OOSP2: variants seen among roughly 807,000 people sequenced by gnomAD.
OOSP2 encodes the protein oocyte-secreted protein 2.
A neutral mutation model predicts 13.4 loss-of-function variants in OOSP2; 7 were observed. The observed-to-expected ratio is 0.52, with a 90% CI of 0.30 to 0.98. The LOEUF (loss-of-function observed/expected upper bound fraction) is 0.98. OOSP2 is among the 50% of genes least tolerant of loss of function. OOSP2 has a pLI of 0.07. For synonymous variants in OOSP2, 75 were observed against 67.2 expected (o/e 1.12, Z -0.57); for missense variants, 184 against 188.5 (o/e 0.98, Z 0.14).
Position 60,042,883 on chromosome 11 carries a change from C to T in OOSP2, c.65-586C>T, listed in dbSNP as rs76227064. Among the ~76,000 whole-genome samples, 638 of 151,976 alleles carry T rather than the reference C, an allele frequency of 4.2e-3. 2 individuals are homozygous for T. Among genetic ancestry groups the T allele is most frequent in the African/African-American group, 0.015 (616 of 41,460 alleles). On this transcript the variant is annotated intron_variant, in intron 1 of 3. Transcript: ENST00000278855. ...ATTTAGGAAATATTAAGGGGCTATACGGTTATGGTTTTTCATTTTCTTTCT... is the reference window on the plus strand; with the variant it reads ...ATTTAGGAAATATTAAGGGGCTATATGGTTATGGTTTTTCATTTTCTTTCT...
In OOSP2 at chr11:60,042,973, T is replaced by C. The variant is rs150614965; in HGVS notation, c.65-496T>C. ...AGGCTGGAGTGCAGTGGCGCGATCT[T>C]GGTTCACTGCAAGCCCCGCCTCCTG... On this transcript the variant is annotated intron_variant, in intron 1 of 3. Transcript: ENST00000278855. Among the ~76,000 whole-genome samples, 1,505 of 152,112 alleles carry C rather than the reference T, an allele frequency of 9.9e-3. 31 individuals are homozygous for C. Among genetic ancestry groups the C allele is most frequent in the African/African-American group, 0.033 (1,373 of 41,462 alleles).
chr11:60,046,699 C>T lies in OOSP2; in HGVS notation c.348-245C>T, dbSNP rs566388571. 2.8e-3 allele frequency: 1,701 copies of T among 607,490 alleles called. 7 individuals carry two copies. The highest frequency in any genetic ancestry group is 4.9e-3 in the Middle Eastern group (19 of 3,906). The allele number at this position is 607,490 out of a possible 1,614,324, so 37.6% of individuals were successfully genotyped here. Reference sequence around the variant, plus strand: ...GCATCACAAATTATCTAAGACCATTCGTCTTTCTACTCAGTGTTTGATGCA... The same window carrying T: ...GCATCACAAATTATCTAAGACCATTTGTCTTTCTACTCAGTGTTTGATGCA... On this transcript the variant is annotated intron_variant, in intron 3 of 3. Transcript: ENST00000278855.
Position 60,042,622 on chromosome 11 carries a change from A to C in OOSP2, c.65-847A>C, listed in dbSNP as rs187154450. Reference sequence around the variant, plus strand: ...GAGGATAAAGATGGGTTTTACAACAAAACGTGCATGGAGCTAACATCCCAA... The same window carrying C: ...GAGGATAAAGATGGGTTTTACAACACAACGTGCATGGAGCTAACATCCCAA... On this transcript the variant is annotated intron_variant, in intron 1 of 3. Transcript: ENST00000278855. Among the ~76,000 whole-genome samples, 169 of 152,352 alleles carry C rather than the reference A, an allele frequency of 1.1e-3. 1 individual carries two copies. The highest frequency in any genetic ancestry group is 3.7e-3 in the African/African-American group (152 of 41,594).
At chr11:60,042,765 AG>A (rs908909872) in intron 1 of OOSP2, among the ~76,000 whole-genome samples, 38 of 152,052 alleles carry the variant, frequency 2.5e-4, no homozygotes, top group African/African-American at 9.2e-4. Context: ...TCTTTCCAAA[AG>A]TATACTGGGA....
intron 1 of OOSP2, among the ~76,000 whole-genome samples, chr11:60,042,954 G>A (rs1053835037): frequency 6.6e-6 from 1 of 151,288 alleles, no homozygotes; most frequent in Admixed American, 6.6e-5. Context: ...ACCCAGGCTG[G>A]AGTGCAGTGG....
At chr11:60,046,676 A>G (rs1356792088) in intron 3 of OOSP2, 1 of 557,770 alleles carries the variant, frequency 1.8e-6, no homozygotes, top group Non-Finnish European at 3.4e-6. Context: ...TAATGCAAGC[A>G]TCACAAATTA....
At position 60,044,868 on chromosome 11, in the gene OOSP2, C is replaced by T. The variant is rs1300181484; in HGVS notation, c.347+94C>T. ...GAAGCATAGACTTTAGAGAATATAA[C>T]ATGATTCACCCATAAGTATAATTGT... is the stretch of plus-strand genomic sequence containing the variant. On this transcript the variant is annotated intron_variant, in intron 3 of 3. Coordinates refer to ENST00000278855, the MANE Select transcript of OOSP2 (RefSeq NM_173801.5). 9.1e-6 allele frequency: 5 copies of T among 552,184 alleles called. No homozygotes were observed. In the East Asian group the frequency reaches 1.4e-4, roughly 16 times the overall value. The allele number at this position is 552,184 out of a possible 1,614,324, so 34.2% of individuals were successfully genotyped here.
intron 3 of OOSP2, among the ~76,000 whole-genome samples, chr11:60,046,251 C>T (rs896326418): frequency 1.3e-5 from 2 of 152,036 alleles, no homozygotes; most frequent in African/African-American, 4.8e-5. Flanking sequence ...ATCTCCATCT[C>T]TTTGTCTCTG....
At chr11:60,042,052 G>C (rs887959005) in intron 1 of OOSP2, among the ~76,000 whole-genome samples, 1 of 152,006 alleles carries the variant, frequency 6.6e-6, no homozygotes, top group East Asian at 1.9e-4. Flanking sequence ...CTGGGAGGCG[G>C]AGCTTGCAGT....
Position 60,046,967 on chromosome 11 carries a change from T to G in OOSP2, c.371T>G (p.Val124Gly), listed in dbSNP as rs2134642835. ...AGGAAATCAGTGTGGCTTACACCAG[T>G]TTCTACTGAGAATGAAATAAAATTG... is the stretch of plus-strand genomic sequence containing the variant. ...TSRKSVWLTP[V>G]STENEIKLDP... Residue 124 changes from valine to glycine, a missense_variant, in exon 4 of 4, where the codon GTT (valine) becomes GGT (glycine). Coordinates refer to ENST00000278855, the MANE Select transcript of OOSP2 (RefSeq NM_173801.5). 1 of 1,610,608 alleles carries G rather than the reference T, an allele frequency of 6.2e-7. No homozygotes were observed. The highest frequency in any genetic ancestry group is 2.2e-5 in the East Asian group (1 of 44,850).
rs1854918172 is a variant in OOSP2, at chr11:60,040,658, G to A, written c.64+135G>A. ...AGAAGAAGAAGCGCTTTCAGGCCAAGTAGACTTGTGTCAATATACGGAGGA... is the reference window on the plus strand; with the variant it reads ...AGAAGAAGAAGCGCTTTCAGGCCAAATAGACTTGTGTCAATATACGGAGGA... On this transcript the variant is annotated intron_variant, in intron 1 of 3. Coordinates refer to ENST00000278855, the MANE Select transcript of OOSP2 (RefSeq NM_173801.5). The A allele has an allele frequency of 3.9e-5, 24 of 618,902 alleles. No homozygotes were observed. The South Asian group carries it at 4.5e-4, about 12-fold the overall frequency. The allele number at this position is 618,902 out of a possible 1,614,324, so 38.3% of individuals were successfully genotyped here. A position where few individuals can be genotyped will look rare whatever the true frequency, so the allele number is the denominator to read the frequency against.
rs1854913828 is a variant in OOSP2 at position 60,040,485 on chromosome 11, T to A, written c.26T>A (p.Leu9His). 1 of 1,604,952 alleles carries A rather than the reference T, an allele frequency of 6.2e-7. No individual in the cohort carries two copies. The highest frequency in any genetic ancestry group is 1.1e-5 in the South Asian group (1 of 90,896). Residue 9 changes from leucine (L) to histidine (H), a missense_variant, in exon 1 of 4, where the codon CTC becomes CAC. Leu to His is a moderately conservative substitution (Grantham distance 99). Coordinates refer to ENST00000278855, the MANE Select transcript of OOSP2 (RefSeq NM_173801.5). MALEVLML[L>H]AVLIWTGAEN... The stretch of plus-strand genomic sequence containing the variant: ...ATGGCGTTAGAAGTCTTGATGCTCC[T>A]CGCTGTCTTGATTTGGACCGGTGCT...
Position 60,040,517 on chromosome 11 carries a change from C to T in OOSP2, c.58C>T (p.Leu20Phe), listed in dbSNP as rs1251893510. Residue 20 changes from leucine to phenylalanine, a missense_variant, in exon 1 of 4, where the codon CTC becomes TTC. Leu to Phe is a conservative substitution (Grantham distance 22, BLOSUM62 0). Transcript: ENST00000278855. ...CTTGATTTGGACCGGTGCTGAGAACCTCCATGGTAAATAACAAGTTTTAGA... is the reference window on the plus strand; with the variant it reads ...CTTGATTTGGACCGGTGCTGAGAACTTCCATGGTAAATAACAAGTTTTAGA... ...AVLIWTGAEN[L>F]HVKISCSLDW... 1.9e-6 allele frequency: 3 copies of T among 1,568,250 alleles called. No individual in the cohort carries two copies. The highest frequency in any genetic ancestry group is 2.6e-6 in the Non-Finnish European group (3 of 1,138,188).
chr11:60,047,837 A>G lies in OOSP2; in HGVS notation c.*764A>G, dbSNP rs1336485643. ...TTATACTATCTTCCTTTCTTTAAAC[A>G]TGGAGTCTAAATATGTAATATATCA... On this transcript the variant is annotated 3_prime_UTR_variant, in exon 4 of 4. Transcript: ENST00000278855. The G allele has an allele frequency of 6.6e-6, 1 of 152,126 alleles. No individual in the cohort carries two copies. Among genetic ancestry groups the G allele is most frequent in the Non-Finnish European group, 1.5e-5 (1 of 67,984 alleles). 9.4% of individuals were successfully genotyped at this position (152,126 alleles called of 1,614,324 possible).
rs577307501 is a variant in OOSP2, at chr11:60,042,974, G to T, written c.65-495G>T. The stretch of plus-strand genomic sequence containing the variant: ...GGCTGGAGTGCAGTGGCGCGATCTT[G>T]GTTCACTGCAAGCCCCGCCTCCTGG... On this transcript the variant is annotated intron_variant, in intron 1 of 3. Coordinates refer to ENST00000278855, the MANE Select transcript of OOSP2 (RefSeq NM_173801.5). Among the ~76,000 whole-genome samples, 492 of 151,706 alleles carry T rather than the reference G, an allele frequency of 3.2e-3. 5 individuals are homozygous for T. Among genetic ancestry groups the T allele is most frequent in the African/African-American group, 0.011 (454 of 41,310 alleles).
chr11:60,044,578 G>C lies in OOSP2; in HGVS notation c.244-93G>C, dbSNP rs117758787. 4,807 of 550,748 alleles carry C rather than the reference G, an allele frequency of 8.7e-3. 30 individuals are homozygous for C. Among genetic ancestry groups the C allele is most frequent in the Non-Finnish European group, 0.013 (3,842 of 303,650 alleles). The allele number at this position is 550,748 out of a possible 1,614,324, so 34.1% of individuals were successfully genotyped here. A position where few individuals can be genotyped will look rare whatever the true frequency, so the allele number is the denominator to read the frequency against. ...TTTAAGAATGACAGTAGCCATTTTT[G>C]AGATCATGAATGTTTTTTACATCCT... On this transcript the variant is annotated intron_variant, in intron 2 of 3. Transcript: ENST00000278855.
rs543917794 is a variant in OOSP2, at chr11:60,045,174, A to G, written c.347+400A>G. 3.3e-5 allele frequency among the ~76,000 whole-genome samples: 5 copies of G among 152,252 alleles called. No individual in the cohort carries two copies. The South Asian group carries it at 1.0e-3, about 32-fold the overall frequency. Reference sequence around the variant, plus strand: ...ACATTTTATTGCTCAATTTCATCTTATAAGAGTAAGTGGCTAAAAACATAA... The same window carrying G: ...ACATTTTATTGCTCAATTTCATCTTGTAAGAGTAAGTGGCTAAAAACATAA... On this transcript the variant is annotated intron_variant, in intron 3 of 3. Transcript: ENST00000278855.
intron 1 of OOSP2, 42 bp from the exon 2 acceptor site, chr11:60,043,427 A>G (rs1327376855): frequency 4.4e-6 from 6 of 1,372,410 alleles, no homozygotes; most frequent in Non-Finnish European, 6.2e-6. Context: ...CTTTCTTAAG[A>G]TAGACACCCT....
In OOSP2 at chr11:60,043,200, G is replaced by A. The variant is rs942806950; in HGVS notation, c.65-269G>A. On this transcript the variant is annotated intron_variant, in intron 1 of 3. Coordinates refer to ENST00000278855, the MANE Select transcript of OOSP2 (RefSeq NM_173801.5). ...ATTACAGGCGTCAGCCACTGCGCCC[G>A]GCCCATTTATGCTTTTTCTTATTCT... is the stretch of plus-strand genomic sequence containing the variant. 9.2e-5 allele frequency among the ~76,000 whole-genome samples: 14 copies of A among 152,212 alleles called. No homozygotes were observed. In the South Asian group the frequency reaches 1.0e-3, roughly 11 times the overall value.
Sources: allele counts gnomAD v4.1 joint callset (sites outside exome capture counted in the v4.1 genomes callset), GRCh38; gene constraint gnomAD v4.1.1; transcripts MANE v1.5; gene names NCBI Gene and HGNC (gene_info 2026-07-23, HGNC 2026-07-21).